Variants in TFB2M observed in about 807,000 individuals in gnomAD.
The protein encoded by TFB2M is dimethyladenosine transferase 2, mitochondrial.
In TFB2M, 44 loss-of-function variants were observed where a neutral mutation model predicts 41.3. The ratio of observed to expected loss-of-function variants is 1.07; its 90% CI spans 0.84 to 1.37. The LOEUF (loss-of-function observed/expected upper bound fraction) is 1.37, where lower values mean the gene tolerates loss of function less well. Ranked by LOEUF, TFB2M falls within the 40% of genes most tolerant of loss-of-function variation. TFB2M has a pLI of 0.00. For synonymous variants in TFB2M, 188 were observed against 176.8 expected (o/e 1.06, Z -0.50); for missense variants, 496 against 490.2 (o/e 1.01, Z -0.11).
At chr1:246,552,965 T>C (rs1659225806) in intron 4 of TFB2M, among the ~76,000 whole-genome samples, 1 of 151,758 alleles carries the variant, frequency 6.6e-6, no homozygotes, top group South Asian at 2.1e-4. Flanking sequence ...CTCATACCTG[T>C]AATCCCAGCA....
At chr1:246,565,272 CTT>C (rs1659589839) in intron 1 of TFB2M, among the ~76,000 whole-genome samples, 1 of 152,240 alleles carries the variant, frequency 6.6e-6, no homozygotes, top group Non-Finnish European at 1.5e-5. Flanking sequence ...GCTTGCAACT[CTT>C]TTGGGGAGAT....
chr1:246,546,605 C>A (rs1246902531), intron 6 of TFB2M, among the ~76,000 whole-genome samples: 1 of 148,260 alleles, frequency 6.7e-6, no homozygotes, highest in Non-Finnish European at 1.5e-5. Flanking sequence ...CAGAATGAGA[C>A]TTTGCCTCAA....
At position 246,557,366 on chromosome 1, in the gene TFB2M, A is replaced by G. The variant is rs765174891; in HGVS notation, c.556+15T>C. 2 of 1,606,866 alleles carry G rather than the reference A, an allele frequency of 1.2e-6. No homozygotes were observed. Among genetic ancestry groups the G allele is most frequent in the Admixed American group, 1.7e-5 (1 of 57,780 alleles). On this transcript the variant is annotated intron_variant, in intron 3 of 7. Transcript: ENST00000366514. Reference sequence around the variant, plus strand: ...CAAATTCTAGGTATTTGCTTTAGTAAATTCCAAAAATGACCTGCTGTCCAA... The same window carrying G: ...CAAATTCTAGGTATTTGCTTTAGTAGATTCCAAAAATGACCTGCTGTCCAA...
chr1:246,558,897 G>A (rs1469556060), intron 2 of TFB2M, among the ~76,000 whole-genome samples: 1 of 143,094 alleles, frequency 7.0e-6, no homozygotes, highest in Non-Finnish European at 1.5e-5. Context: ...ATCAGTTATA[G>A]ACTCCATAAA....
chr1:246,549,107 G>C (rs3129576), intron 5 of TFB2M, among the ~76,000 whole-genome samples: 30,050 of 151,038 alleles, frequency 0.2, 3,821 homozygotes, highest in Middle Eastern at 0.41. Flanking sequence ...AGGCCAAAGT[G>C]GGAGGGTTGC....
intron 2 of TFB2M, among the ~76,000 whole-genome samples, chr1:246,558,422 C>T (rs1288110711): frequency 1.3e-5 from 2 of 152,132 alleles, no homozygotes; most frequent in African/African-American, 4.8e-5. Flanking sequence ...GCTGGGATTA[C>T]AGGTGTGAGC....
chr1:246,552,739 ATT>A (rs1659219670), intron 4 of TFB2M, among the ~76,000 whole-genome samples: 1 of 152,106 alleles, frequency 6.6e-6, no homozygotes, highest in African/African-American at 2.4e-5. Context: ...AAAAAAAATA[ATT>A]ATAATACCCC....
intron 7 of TFB2M, among the ~76,000 whole-genome samples, chr1:246,543,590 C>G (rs1168941323): frequency 6.6e-6 from 1 of 152,050 alleles, no homozygotes; most frequent in Non-Finnish European, 1.5e-5. Context: ...TGGCTCCCGC[C>G]TGTAACCCCA....
At position 246,565,992 on chromosome 1, in the gene TFB2M, C is replaced by T; in HGVS notation, c.147G>A (p.Pro49=). Residue 49 remains proline, a synonymous_variant, in exon 1 of 8, where the codon CCG becomes CCA. Transcript: ENST00000366514. ...TGAAATCCGGTTCGGGCCACAGCTGCGGAGAGGAGTCAGAGAGCCCACAGT... is the reference window on the plus strand; with the variant it reads ...TGAAATCCGGTTCGGGCCACAGCTGTGGAGAGGAGTCAGAGAGCCCACAGT... ...RNHCGLSDSS[P]QLWPEPDFRN... 6.2e-7 allele frequency: 1 copy of T among 1,614,172 alleles called. No individual in the cohort carries two copies. Among genetic ancestry groups the T allele is most frequent in the South Asian group, 1.1e-5 (1 of 91,080 alleles).
At chr1:246,546,204 G>A (rs956623859) in intron 6 of TFB2M, among the ~76,000 whole-genome samples, 5 of 151,872 alleles carry the variant, frequency 3.3e-5, no homozygotes, top group African/African-American at 1.2e-4. Context: ...CCAGCTATTT[G>A]GGAGGTTGAG....
At chr1:246,542,435 G>A (rs545454095) in intron 7 of TFB2M, among the ~76,000 whole-genome samples, 14 of 152,114 alleles carry the variant, frequency 9.2e-5, no homozygotes, top group Non-Finnish European at 1.6e-4. Flanking sequence ...CACTTTGGGG[G>A]GCTAGGTGGG....
chr1:246,549,391 G>C (rs961567994), intron 5 of TFB2M, among the ~76,000 whole-genome samples: 1 of 152,112 alleles, frequency 6.6e-6, no homozygotes, highest in Non-Finnish European at 1.5e-5. Context: ...AGGCCAGCCT[G>C]GGCAACATGG....
chr1:246,551,416 A>G, intron 4 of TFB2M, 114 bp from the exon 5 acceptor site: 1 of 754,052 alleles, frequency 1.3e-6, no homozygotes. Flanking sequence ...AGAAAAGAAA[A>G]CTAGAATTAG....
At chr1:246,548,485 A>C in intron 6 of TFB2M, 60 bp downstream of exon 6, 2 of 1,433,754 alleles carry the variant, frequency 1.4e-6, no homozygotes, top group East Asian at 2.4e-5. Flanking sequence ...GTCCTAAAAA[A>C]ATAAAATAAA....
rs1487607601 is a variant in TFB2M, at chr1:246,565,954, C to A, written c.185G>T (p.Arg62Met). The change falls in exon 1 of 8, where the codon AGG (arginine) becomes ATG (methionine). Residue 62 changes from arginine to methionine, a missense_variant. Transcript: ENST00000366514. ...WPEPDFRNPP[R>M]KASKASLDFK... Reference sequence around the variant, plus strand: ...GTCTAAGCTGGCCTTAGACGCCTTCCTTGGCGGATTCCTGAAATCCGGTTC... The same window carrying A: ...GTCTAAGCTGGCCTTAGACGCCTTCATTGGCGGATTCCTGAAATCCGGTTC... The A allele has an allele frequency of 1.2e-6, 2 of 1,614,214 alleles. No homozygotes were observed. The highest frequency in any genetic ancestry group is 1.7e-6 in the Non-Finnish European group (2 of 1,180,042).
chr1:246,544,543 C>T lies in TFB2M; in HGVS notation c.997G>A (p.Ala333Thr), dbSNP rs776314909. ...CACCGTAAGTGGTCTATTACAGTGG[C>T]GCTGCGCCTCCCAAAACAGTGCTTT... is the stretch of plus-strand genomic sequence containing the variant. ...LLKHCFGRRS[A>T]TVIDHLRSLT... The change falls in exon 7 of 8, where the codon GCC becomes ACC. Residue 333 changes from alanine (A) to threonine (T), a missense_variant. Physicochemically the swap from Ala to Thr is moderately conservative, Grantham distance 58. Transcript: ENST00000366514. 2.1e-4 allele frequency: 339 copies of T among 1,607,836 alleles called. No homozygotes were observed. Among genetic ancestry groups the T allele is most frequent in the Middle Eastern group, 3.3e-4 (2 of 5,980 alleles).
intron 3 of TFB2M, 24 bp downstream of exon 3, chr1:246,557,357 G>C: frequency 1.2e-6 from 2 of 1,604,128 alleles, no homozygotes; most frequent in African/African-American, 1.3e-5. Flanking sequence ...CTAGGTATTT[G>C]CTTTAGTAAA....
Position 246,565,981 on chromosome 1 carries a change from G to A in TFB2M, c.158C>T (p.Pro53Leu), listed in dbSNP as rs1659654345. ...TGGCGGATTCCTGAAATCCGGTTCG[G>A]GCCACAGCTGCGGAGAGGAGTCAGA... Reference protein sequence around the residue: ...GLSDSSPQLWPEPDFRNPPRK... With the variant: ...GLSDSSPQLWLEPDFRNPPRK... The change falls in exon 1 of 8, where the codon CCC becomes CTC. Residue 53 changes from proline to leucine, a missense_variant. Coordinates refer to ENST00000366514, the MANE Select transcript of TFB2M (RefSeq NM_022366.3). The A allele has an allele frequency of 6.2e-7, 1 of 1,614,190 alleles. No individual in the cohort carries two copies. The highest frequency in any genetic ancestry group is 8.5e-7 in the Non-Finnish European group (1 of 1,180,036).
intron 7 of TFB2M, among the ~76,000 whole-genome samples, chr1:246,542,430 T>C (rs1401913752): frequency 6.6e-6 from 1 of 152,020 alleles, no homozygotes; most frequent in African/African-American, 2.4e-5. Context: ...CCCAGCACTT[T>C]GGGGGGCTAG....
Sources: allele counts gnomAD v4.1 joint callset (sites outside exome capture counted in the v4.1 genomes callset), GRCh38; gene constraint gnomAD v4.1.1; transcripts MANE v1.5; gene names NCBI Gene and HGNC (gene_info 2026-07-23, HGNC 2026-07-21).